Variants in PCSK2 observed in about 807,000 individuals in gnomAD.
The protein encoded by PCSK2 is proprotein convertase subtilisin/kexin type 2, also known as neuroendocrine convertase 2.
Under a neutral mutation model 69.7 loss-of-function variants are expected in PCSK2, and 14 were observed. The ratio of observed to expected loss-of-function variants is 0.20; its 90% CI spans 0.13 to 0.31. The LOEUF (loss-of-function observed/expected upper bound fraction) is 0.31, where lower values mean the gene tolerates loss of function less well. Among genes scored for constraint, PCSK2 ranks in the 10% least tolerant of loss-of-function variants. PCSK2 has a pLI of 1.00. For missense variants in PCSK2, 544 were observed against 842.5 expected (o/e 0.65, Z 4.39); for synonymous variants, 307 against 320.7 (o/e 0.96, Z 0.46).
At chr20:17,336,369 T>C (rs1054282296) in intron 2 of PCSK2, among the ~76,000 whole-genome samples, 1 of 152,180 alleles carries the variant, frequency 6.6e-6, no homozygotes. Context: ...ATTGATTTCT[T>C]AGAGGAATTA....
chr20:17,333,348 G>A (rs893465182), intron 2 of PCSK2, among the ~76,000 whole-genome samples: 3 of 152,138 alleles, frequency 2.0e-5, no homozygotes, highest in African/African-American at 7.2e-5. Context: ...CAAAGAAAAA[G>A]CAAGTAGATC....
chr20:17,378,491 A>T (rs1334631561), intron 5 of PCSK2, among the ~76,000 whole-genome samples: 1 of 152,146 alleles, frequency 6.6e-6, no homozygotes. Flanking sequence ...ATGTCTTCCA[A>T]CTCTTTTACT....
Position 17,421,341 on chromosome 20 carries a change from C to T in PCSK2, c.621-8094C>T, listed in dbSNP as rs146625866. On this transcript the variant is annotated intron_variant, in intron 6 of 11. Transcript: ENST00000262545. ...GGCAGCTTTGCTCATTCTCACCTGT[C>T]ACCTATTCTAACCTATTCTGCCTGA... Among the ~76,000 whole-genome samples the T allele has an allele frequency of 2.2e-3, 338 of 152,312 alleles. 1 individual carries two copies. Among genetic ancestry groups the T allele is most frequent in the Admixed American group, 5.0e-3 (77 of 15,302 alleles).
intron 1 of PCSK2, among the ~76,000 whole-genome samples, chr20:17,236,675 A>ACAAATT (rs1986351793): frequency 1.3e-5 from 2 of 152,210 alleles, no homozygotes; most frequent in African/African-American, 2.4e-5. Context: ...AACTTCAATT[A>ACAAATT]CAAATTCATT....
At chr20:17,437,915 G>A (rs919977426) in intron 8 of PCSK2, among the ~76,000 whole-genome samples, 5 of 152,252 alleles carry the variant, frequency 3.3e-5, no homozygotes, top group Admixed American at 1.3e-4. Context: ...TACTTGCCAC[G>A]CGTGGCACAG....
chr20:17,433,610 G>A (rs2032411484), intron 7 of PCSK2, among the ~76,000 whole-genome samples: 1 of 152,180 alleles, frequency 6.6e-6, no homozygotes, highest in Non-Finnish European at 1.5e-5. Context: ...GACAGAGAAG[G>A]CTCTAAATGA....
chr20:17,346,864 A>T (rs1990667219), intron 2 of PCSK2, among the ~76,000 whole-genome samples: 1 of 151,958 alleles, frequency 6.6e-6, no homozygotes, highest in African/African-American at 2.4e-5. Context: ...CCAATATAGA[A>T]GCTGAGATTT....
rs1271009649 is a variant in PCSK2 at position 17,444,651 on chromosome 20, A to T, written c.885+7768A>T. 2.6e-5 allele frequency among the ~76,000 whole-genome samples: 4 copies of T among 152,198 alleles called. No individual in the cohort carries two copies. In the East Asian group the frequency reaches 7.7e-4, roughly 29 times the overall value. On this transcript the variant is annotated intron_variant, in intron 8 of 11. Transcript: ENST00000262545. ...GGCAAGATTTGGGATCAAGTAGTTT[A>T]TTGGGAAGGTGAAGAGAATACCAGT...
At chr20:17,319,023 T>C (rs982959743) in intron 2 of PCSK2, among the ~76,000 whole-genome samples, 6 of 152,246 alleles carry the variant, frequency 3.9e-5, no homozygotes, top group African/African-American at 1.4e-4. Context: ...GAGAAAAACA[T>C]ATTTTTTCAT....
intron 4 of PCSK2, among the ~76,000 whole-genome samples, chr20:17,361,527 T>A (rs928602830): frequency 2.0e-5 from 3 of 152,236 alleles, no homozygotes; most frequent in African/African-American, 7.2e-5. Flanking sequence ...AAAGCTCTAC[T>A]GTGCATTATT....
At chr20:17,446,517 C>T (rs1357432577) in intron 8 of PCSK2, among the ~76,000 whole-genome samples, 5 of 152,164 alleles carry the variant, frequency 3.3e-5, no homozygotes, top group African/African-American at 1.2e-4. Context: ...TGGTCATGGG[C>T]TCAGACCGTG....
chr20:17,414,629 C>G (rs1045807393), intron 6 of PCSK2, among the ~76,000 whole-genome samples: 1 of 152,182 alleles, frequency 6.6e-6, no homozygotes, highest in Non-Finnish European at 1.5e-5. Flanking sequence ...GTTACCGTTC[C>G]TTGTGAAACT....
At chr20:17,259,329 G>C (rs1987291566) in intron 1 of PCSK2, among the ~76,000 whole-genome samples, 1 of 152,070 alleles carries the variant, frequency 6.6e-6, no homozygotes, top group South Asian at 2.1e-4. Flanking sequence ...TAATTAATCA[G>C]GTTAAGAACT....
At chr20:17,434,337 C>G (rs1382843340) in intron 7 of PCSK2, among the ~76,000 whole-genome samples, 1 of 150,630 alleles carries the variant, frequency 6.6e-6, no homozygotes. Flanking sequence ...GAGGCCTTCC[C>G]TAAAAACCCT....
chr20:17,432,996 C>T (rs2032400265), intron 7 of PCSK2, among the ~76,000 whole-genome samples: 1 of 152,194 alleles, frequency 6.6e-6, no homozygotes, highest in Non-Finnish European at 1.5e-5. Context: ...GGGTGGGGCT[C>T]TACAGTTCCT....
At chr20:17,241,558 T>C (rs993507375) in intron 1 of PCSK2, among the ~76,000 whole-genome samples, 2 of 152,216 alleles carry the variant, frequency 1.3e-5, no homozygotes, top group Middle Eastern at 3.2e-3. Context: ...TGGCAACAAG[T>C]AGCACATCAT....
chr20:17,228,741 C>G (rs995565947), intron 1 of PCSK2, among the ~76,000 whole-genome samples: 1 of 152,192 alleles, frequency 6.6e-6, no homozygotes, highest in Non-Finnish European at 1.5e-5. Context: ...CAGGGCTCCT[C>G]CAGGTGTGGG....
intron 6 of PCSK2, among the ~76,000 whole-genome samples, chr20:17,425,303 C>T (rs542414900): frequency 9.2e-5 from 14 of 152,264 alleles, no homozygotes; most frequent in African/African-American, 3.1e-4. Flanking sequence ...CTTCTACACA[C>T]CAGCCTCAAA....
At chr20:17,470,437 G>A (rs2033180058) in intron 11 of PCSK2, among the ~76,000 whole-genome samples, 1 of 152,222 alleles carries the variant, frequency 6.6e-6, no homozygotes, top group African/African-American at 2.4e-5. Context: ...CGAATGGGAA[G>A]TGGAGATTTA....
Sources: allele counts gnomAD v4.1 joint callset (sites outside exome capture counted in the v4.1 genomes callset), GRCh38; gene constraint gnomAD v4.1.1; transcripts MANE v1.5; gene names NCBI Gene and HGNC (gene_info 2026-07-23, HGNC 2026-07-21).